Variants in KHDRBS2 observed in about 807,000 individuals in gnomAD.
KHDRBS2 encodes KH domain-containing, RNA-binding, signal transduction-associated protein 2.
Under a neutral mutation model 44.3 loss-of-function variants are expected in KHDRBS2, and 26 were observed. That is an observed-to-expected ratio of 0.59 (90% confidence interval 0.43 to 0.81). KHDRBS2 has a LOEUF of 0.81. Ranked by LOEUF, KHDRBS2 falls within the 40% of genes least tolerant of loss-of-function variation. KHDRBS2 has a pLI of 0.00. For missense variants in KHDRBS2, 476 were observed against 433.1 expected (o/e 1.10, Z -0.88); for synonymous variants, 194 against 151.1 (o/e 1.28, Z -2.08).
At position 61,956,245 on chromosome 6, in the gene KHDRBS2, C is replaced by T. The variant is rs1214575513; in HGVS notation, c.483+21821G>A. ...CACTCTTTATGTTCAAAGCATAGCA[C>T]ACCAGTATATGTAATTATTTTCCAG... On this transcript the variant is annotated intron_variant, in intron 4 of 8. Coordinates refer to ENST00000281156, the MANE Select transcript of KHDRBS2 (RefSeq NM_152688.4). Among the ~76,000 whole-genome samples, 3 of 151,978 alleles carry T rather than the reference C, an allele frequency of 2.0e-5. No individual in the cohort carries two copies. In the East Asian group the frequency reaches 5.8e-4, roughly 29 times the overall value.
At chr6:61,888,194 C>A (rs1342236668) in intron 6 of KHDRBS2, among the ~76,000 whole-genome samples, 13 of 152,148 alleles carry the variant, frequency 8.5e-5, no homozygotes, top group Non-Finnish European at 7.3e-5. Context: ...TTATATTGTG[C>A]AAACTTCTCC....
At chr6:61,569,840 C>G in the KHDRBS2 span, among the ~76,000 whole-genome samples, 1 of 152,142 alleles carries the variant, frequency 6.6e-6, no homozygotes, top group Admixed American at 6.5e-5. Context: ...TCATTGTAGT[C>G]TGGCTCCTGG....
At chr6:61,968,048 A>G (rs1357179120) in intron 4 of KHDRBS2, among the ~76,000 whole-genome samples, 2 of 151,200 alleles carry the variant, frequency 1.3e-5, no homozygotes, top group African/African-American at 4.9e-5. Flanking sequence ...AGTTAAATCT[A>G]TAACTTTATT....
At chr6:61,777,567 A>G (rs2127579999) in intron 6 of KHDRBS2, among the ~76,000 whole-genome samples, 1 of 152,274 alleles carries the variant, frequency 6.6e-6, no homozygotes, top group African/African-American at 2.4e-5. Flanking sequence ...TCATTTGGGA[A>G]AGTACAGAGT....
the KHDRBS2 span, among the ~76,000 whole-genome samples, chr6:61,553,764 G>T: frequency 6.6e-6 from 1 of 152,092 alleles, no homozygotes; most frequent in Non-Finnish European, 1.5e-5. Flanking sequence ...TTACCAAAAA[G>T]TTATTCTGGG....
chr6:62,141,915 G>T (rs1343650810), intron 2 of KHDRBS2, among the ~76,000 whole-genome samples: 2 of 151,996 alleles, frequency 1.3e-5, no homozygotes, highest in African/African-American at 4.8e-5. Flanking sequence ...TTAAAAATAT[G>T]CCTTTCCTAA....
the KHDRBS2 span, among the ~76,000 whole-genome samples, chr6:61,660,836 G>A: frequency 6.6e-6 from 1 of 151,778 alleles, no homozygotes; most frequent in Non-Finnish European, 1.5e-5. Flanking sequence ...TTTAGGCAAA[G>A]GCTCGATAAA....
chr6:61,627,803 G>T, the KHDRBS2 span, among the ~76,000 whole-genome samples: 2 of 152,078 alleles, frequency 1.3e-5, no homozygotes, highest in East Asian at 3.9e-4. Context: ...TAACAAAACC[G>T]TAATTCTGAA....
intron 2 of KHDRBS2, among the ~76,000 whole-genome samples, chr6:62,134,993 A>T (rs1453835063): frequency 6.6e-6 from 1 of 152,172 alleles, no homozygotes; most frequent in Non-Finnish European, 1.5e-5. Context: ...GTTAATACTG[A>T]AATGAGTTGA....
intron 6 of KHDRBS2, among the ~76,000 whole-genome samples, chr6:61,799,523 A>G (rs929523907): frequency 5.3e-5 from 8 of 152,212 alleles, no homozygotes; most frequent in African/African-American, 1.9e-4. Flanking sequence ...AAATATTTTC[A>G]AACACATAAT....
the KHDRBS2 span, among the ~76,000 whole-genome samples, chr6:61,599,927 C>T: frequency 0.18 from 26,768 of 151,904 alleles, 2,655 homozygotes; most frequent in East Asian, 0.29. Flanking sequence ...AATGACTCTA[C>T]GACAAATGAC....
intron 6 of KHDRBS2, among the ~76,000 whole-genome samples, chr6:61,872,123 G>A (rs1164648907): frequency 6.6e-6 from 1 of 151,646 alleles, no homozygotes; most frequent in Non-Finnish European, 1.5e-5. Context: ...AAAACAAATG[G>A]GTAAATCTAA....
chr6:62,252,942 C>A (rs905779316), intron 1 of KHDRBS2, among the ~76,000 whole-genome samples: 7 of 151,562 alleles, frequency 4.6e-5, no homozygotes, highest in Non-Finnish European at 8.8e-5. Context: ...TATAAAAAAC[C>A]CAAGTTATAC....
At chr6:62,077,729 T>C (rs1386497190) in intron 2 of KHDRBS2, among the ~76,000 whole-genome samples, 1 of 152,070 alleles carries the variant, frequency 6.6e-6, no homozygotes, top group African/African-American at 2.4e-5. Context: ...CCTTCGGTTA[T>C]GCTCATTGTC....
chr6:62,005,075 A>G (rs1191255656), intron 3 of KHDRBS2, among the ~76,000 whole-genome samples: 1 of 152,058 alleles, frequency 6.6e-6, no homozygotes, highest in Non-Finnish European at 1.5e-5. Context: ...TCATTTTTAG[A>G]GTTCATTTAA....
intron 7 of KHDRBS2, among the ~76,000 whole-genome samples, chr6:61,714,446 G>A (rs1383333698): frequency 6.6e-6 from 1 of 151,922 alleles, no homozygotes; most frequent in Non-Finnish European, 1.5e-5. Flanking sequence ...TGGTGGAAAT[G>A]TAAATTAGTA....
intron 4 of KHDRBS2, among the ~76,000 whole-genome samples, chr6:61,940,128 A>G (rs543897908): frequency 1.3e-5 from 2 of 152,240 alleles, no homozygotes; most frequent in Admixed American, 1.3e-4. Flanking sequence ...TATCAAAGAT[A>G]AAGATAACTA....
intron 4 of KHDRBS2, among the ~76,000 whole-genome samples, chr6:61,970,297 C>CTA (rs1562554138): frequency 6.6e-6 from 1 of 151,432 alleles, no homozygotes; most frequent in Admixed American, 6.6e-5. Flanking sequence ...AAGTAAAGAG[C>CTA]TGATTAGTTA....
chr6:61,994,752 T>C (rs1398094313), intron 3 of KHDRBS2, among the ~76,000 whole-genome samples: 5 of 152,146 alleles, frequency 3.3e-5, no homozygotes, highest in African/African-American at 1.2e-4. Context: ...ATATTTATTG[T>C]AAGTGCAATA....
Sources: allele counts gnomAD v4.1 joint callset (sites outside exome capture counted in the v4.1 genomes callset), GRCh38; gene constraint gnomAD v4.1.1; transcripts MANE v1.5; gene names NCBI Gene and HGNC (gene_info 2026-07-23, HGNC 2026-07-21).